Variants in CCDC142 observed in about 807,000 individuals in gnomAD.
CCDC142 encodes the protein coiled-coil domain containing 142.
Under a neutral mutation model 83.8 loss-of-function variants are expected in CCDC142, and 67 were observed. That is an observed-to-expected ratio of 0.80 (90% confidence interval 0.66 to 0.98). The LOEUF (loss-of-function observed/expected upper bound fraction) is 0.98, where lower values mean the gene tolerates loss of function less well. CCDC142 is among the 50% of genes least tolerant of loss of function. The pLI is 0.00. For missense variants in CCDC142, 905 were observed against 946.8 expected, an observed-to-expected ratio of 0.96 and a Z score of 0.58; for synonymous variants, 421 against 421.2, an observed-to-expected ratio of 1.00 and a Z score of 0.01.
intron 3 of CCDC142, 49 bp downstream of exon 3, chr2:74,481,172 AAG>A: frequency 6.2e-7 from 1 of 1,612,092 alleles, no homozygotes. Flanking sequence ...AGTGAAAGAA[AAG>A]AGATATCCTC....
Position 74,475,023 on chromosome 2 carries a change from T to C in CCDC142, c.1889A>G (p.Gln630Arg). 1 of 1,614,106 alleles carries C rather than the reference T, an allele frequency of 6.2e-7. No homozygotes were observed. The highest frequency in any genetic ancestry group is 1.1e-5 in the South Asian group (1 of 91,062). ...EQWSLSPDLR[Q>R]TLLMLSIFQQ... Reference sequence around the variant, plus strand: ...GAAGATGCTGAGCATGAGCAGGGTCTGGCGGAGATCAGGGGACAGGCTCCA... The same window carrying C: ...GAAGATGCTGAGCATGAGCAGGGTCCGGCGGAGATCAGGGGACAGGCTCCA... The change falls in exon 8 of 9, where the codon CAG (glutamine) becomes CGG (arginine). Residue 630 changes from glutamine to arginine, a missense_variant. By Grantham distance (43) the Gln-to-Arg change is conservative. Coordinates refer to ENST00000393965, the MANE Select transcript of CCDC142 (RefSeq NM_001365575.2).
At position 74,479,801 on chromosome 2, in the gene CCDC142, GGGTGGTCTCGCTATGTTGCCCCT is replaced by G. The variant is rs1226894647; in HGVS notation, c.1503+945_1503+967del. Among the ~76,000 whole-genome samples the G allele has an allele frequency of 4.6e-5, 7 of 152,034 alleles. No homozygotes were observed. The East Asian group carries it at 1.4e-3, about 29-fold the overall frequency. The stretch of plus-strand genomic sequence containing the variant: ...GAGAGATGGGAGTCTGTGTTGCCTA[GGGTGGTCTCGCTATGTTGCCCCT>G]GGTGGTCTCGAACTCCTGGCCTCAA... On this transcript the variant is annotated intron_variant, in intron 5 of 8. Coordinates refer to ENST00000393965, the MANE Select transcript of CCDC142 (RefSeq NM_001365575.2).
rs1209970024 is a variant in CCDC142 at position 74,481,298 on chromosome 2, A to G, written c.1183T>C (p.Leu395=). 3 of 1,614,112 alleles carry G rather than the reference A, an allele frequency of 1.9e-6. No homozygotes were observed. Among genetic ancestry groups the G allele is most frequent in the Non-Finnish European group, 2.5e-6 (3 of 1,180,024 alleles). ...AAGAGAGGAGGAAAGAGCTGCTGCAAAAGTTCAGCAGTGCCAGAGGATGTG... is the reference window on the plus strand; with the variant it reads ...AAGAGAGGAGGAAAGAGCTGCTGCAGAAGTTCAGCAGTGCCAGAGGATGTG... ...LPTSSGTAEL[L]QQLFPPLLDA... is the part of the protein sequence containing the mutation. The change falls in exon 3 of 9, where the codon TTG becomes CTG. Residue 395 remains leucine, a synonymous_variant. Coordinates refer to ENST00000393965, the MANE Select transcript of CCDC142 (RefSeq NM_001365575.2).
intron 5 of CCDC142, among the ~76,000 whole-genome samples, chr2:74,478,695 C>G (rs569152206): frequency 6.6e-6 from 1 of 151,368 alleles, no homozygotes; most frequent in South Asian, 2.1e-4. Flanking sequence ...GGCAACATGG[C>G]AAAACCTTGT....
At chr2:74,475,182 C>G (rs777990877) in intron 7 of CCDC142, 43 bp downstream of exon 7, 2 of 1,613,590 alleles carry the variant, frequency 1.2e-6, no homozygotes, top group Admixed American at 1.7e-5. Context: ...CTTCCTTTTC[C>G]CAGTTCCATT....
Position 74,475,044 on chromosome 2 carries a change from C to G in CCDC142, c.1868G>C (p.Ser623Thr), listed in dbSNP as rs756509614. ...VRELLEEEQW[S>T]LSPDLRQTLL... ...GGTCTGGCGGAGATCAGGGGACAGG[C>G]TCCACTGCTCCTCTTCCAGCAACTC... The change falls in exon 8 of 9, where the codon AGC becomes ACC. Residue 623 changes from serine to threonine, a missense_variant. This residue lies in a region of CCDC142 where 265 missense variants were observed against 288.9 expected (regional missense o/e 0.92). Coordinates refer to ENST00000393965, the MANE Select transcript of CCDC142 (RefSeq NM_001365575.2). The G allele has an allele frequency of 6.2e-7, 1 of 1,613,992 alleles. No individual in the cohort carries two copies. Among genetic ancestry groups the G allele is most frequent in the Non-Finnish European group, 8.5e-7 (1 of 1,179,924 alleles).
Position 74,482,060 on chromosome 2 carries a change from A to C in CCDC142, c.778T>G (p.Leu260Val). The change falls in exon 1 of 9, where the codon TTG becomes GTG. Residue 260 changes from leucine to valine, a missense_variant. By Grantham distance (32) the Leu-to-Val change is conservative. Transcript: ENST00000393965. The surrounding 1 kb of genome is among the most constrained non-coding windows in gnomAD (Gnocchi z 5.0). ...RLDEALQGSA[L>V]RDQLRRRCQE... Reference sequence around the variant, plus strand: ...CACCGCCTGCGGAGCTGGTCCCTCAACGCCGATCCTTGGAGCGCCTCGTCC... The same window carrying C: ...CACCGCCTGCGGAGCTGGTCCCTCACCGCCGATCCTTGGAGCGCCTCGTCC... 1 of 1,613,482 alleles carries C rather than the reference A, an allele frequency of 6.2e-7. No individual in the cohort carries two copies.
At chr2:74,477,429 T>C (rs1473298884) in intron 5 of CCDC142, among the ~76,000 whole-genome samples, 1 of 152,226 alleles carries the variant, frequency 6.6e-6, no homozygotes, top group Non-Finnish European at 1.5e-5. Flanking sequence ...CCCTCACTTA[T>C]GAGGTAAAGC....
At chr2:74,477,090 T>C (rs902164091) in intron 5 of CCDC142, among the ~76,000 whole-genome samples, 1 of 152,008 alleles carries the variant, frequency 6.6e-6, no homozygotes, top group Non-Finnish European at 1.5e-5. Flanking sequence ...TGGGATCTTA[T>C]AGTCCAAACA....
chr2:74,475,068 T>C lies in CCDC142; in HGVS notation c.1844A>G (p.Glu615Gly), dbSNP rs1290855414. ...GCTCCACTGCTCCTCTTCCAGCAAC[T>C]CCCTGACCACTCCAAAGTCTTGTTT... ...QLKQDFGVVRELLEEEQWSLS... is the reference protein window; with the variant it reads ...QLKQDFGVVRGLLEEEQWSLS... The change falls in exon 8 of 9, where the codon GAG (glutamate) becomes GGG (glycine). Residue 615 changes from glutamate to glycine, a missense_variant. This residue lies in a region of CCDC142 where 265 missense variants were observed against 288.9 expected (regional missense o/e 0.92). Transcript: ENST00000393965. 2.5e-6 allele frequency: 4 copies of C among 1,613,376 alleles called. No homozygotes were observed. The Admixed American group carries it at 6.7e-5, about 27-fold the overall frequency.
At position 74,480,948 on chromosome 2, in the gene CCDC142, C is replaced by T. The variant is rs753212783; in HGVS notation, c.1389+8G>A. ...GGCTGCTCCCCTCCCTACTCCCCAGCCACTCACAGGTAAGTCCTTTTGGAT... is the reference window on the plus strand; with the variant it reads ...GGCTGCTCCCCTCCCTACTCCCCAGTCACTCACAGGTAAGTCCTTTTGGAT... On this transcript the variant is annotated splice_region_variant and intron_variant, in intron 4 of 8. Coordinates refer to ENST00000393965, the MANE Select transcript of CCDC142 (RefSeq NM_001365575.2). 1 of 1,613,574 alleles carries T rather than the reference C, an allele frequency of 6.2e-7. No individual in the cohort carries two copies. Among genetic ancestry groups the T allele is most frequent in the Non-Finnish European group, 8.5e-7 (1 of 1,179,490 alleles).
rs1672396931 is a variant in CCDC142 at position 74,479,452 on chromosome 2, T to C, written c.1503+1317A>G. Among the ~76,000 whole-genome samples, 3 of 151,990 alleles carry C rather than the reference T, an allele frequency of 2.0e-5. No individual in the cohort carries two copies. The South Asian group carries it at 6.2e-4, about 31-fold the overall frequency. ...CTTTATTCATAAACATATAAGAAAATGTTAGGAGAAACAGGCAAACATGGA... is the reference window on the plus strand; with the variant it reads ...CTTTATTCATAAACATATAAGAAAACGTTAGGAGAAACAGGCAAACATGGA... On this transcript the variant is annotated intron_variant, in intron 5 of 8. Transcript: ENST00000393965.
At position 74,472,922 on chromosome 2, in the gene CCDC142, CA is replaced by C; in HGVS notation, c.*1623del. 1 of 544,270 alleles carries C rather than the reference CA, an allele frequency of 1.8e-6. No individual in the cohort carries two copies. 33.7% of individuals were successfully genotyped at this position (544,270 alleles called of 1,614,324 possible). On this transcript the variant is annotated 3_prime_UTR_variant, in exon 9 of 9. Coordinates refer to ENST00000393965, the MANE Select transcript of CCDC142 (RefSeq NM_001365575.2). ...AGTCCTCTCATACGACGGTGAAAAC[CA>C]TAAATAAATGGCGCAAAAACCTCTT...
chr2:74,481,228 G>A lies in CCDC142; in HGVS notation c.1253C>T (p.Pro418Leu). ...EPRLRRIFCQ[P>L]ADPAPVALGL... ...GCCCCAGCCCCTCGTCTCACCTGCA[G>A]GCTGGCAGAAAATCCGTCGTAACCT... The change falls in exon 3 of 9, where the codon CCT becomes CTT. Residue 418 changes from proline to leucine, a missense_variant. Physicochemically the swap from Pro to Leu is moderately conservative, Grantham distance 98 (BLOSUM62 -3). Transcript: ENST00000393965. 6.2e-7 allele frequency: 1 copy of A among 1,614,020 alleles called. No individual in the cohort carries two copies. The highest frequency in any genetic ancestry group is 8.5e-7 in the Non-Finnish European group (1 of 1,179,974).
rs562865810 is a variant in CCDC142, at chr2:74,482,008, C to T, written c.830G>A (p.Gly277Glu). Residue 277 changes from glycine (G) to glutamate (E), a missense_variant, in exon 1 of 9, where the codon GGG becomes GAG. By Grantham distance (98) the Gly-to-Glu change is moderately conservative. Coordinates refer to ENST00000393965, the MANE Select transcript of CCDC142 (RefSeq NM_001365575.2). This position sits in a 1 kb window ranked among gnomAD's most constrained non-coding sequence, Gnocchi z 5.0. ...RCQEEGDLLPGLLGLVGGVAG... is the reference protein window; with the variant it reads ...RCQEEGDLLPELLGLVGGVAG... ...CACGCCCCCGACCAGGCCCAGCAGC[C>T]CTGGTAGCAGATCCCCCTCCTCTTG... The T allele has an allele frequency of 1.2e-6, 2 of 1,613,898 alleles. No homozygotes were observed. The highest frequency in any genetic ancestry group is 1.7e-5 in the Admixed American group (1 of 60,016).
Position 74,482,327 on chromosome 2 carries a change from T to C in CCDC142, c.511A>G (p.Ile171Val), listed in dbSNP as rs1383798654. ...TCCAGGCACTGGGCGGCTAGTCCGA[T>C]GGGGCGCGCTAGCAGCAGCGGCTCG... ...TLEPLLLARPIGLAAQCLEAV... is the reference protein window; with the variant it reads ...TLEPLLLARPVGLAAQCLEAV... Residue 171 changes from isoleucine (I) to valine (V), a missense_variant, in exon 1 of 9, where the codon ATC becomes GTC. Physicochemically the swap from Ile to Val is conservative, Grantham distance 29 (BLOSUM62 3). This residue lies in a region of CCDC142 where 591 missense variants were observed against 571.4 expected (regional missense o/e 1.03). Transcript: ENST00000393965. The surrounding 1 kb of genome is among the most constrained non-coding windows in gnomAD (Gnocchi z 5.0). 5.6e-6 allele frequency: 9 copies of C among 1,607,468 alleles called. No homozygotes were observed. The highest frequency in any genetic ancestry group is 7.6e-6 in the Non-Finnish European group (9 of 1,178,026).
chr2:74,481,210 C>G lies in CCDC142; in HGVS notation c.1258+13G>C, dbSNP rs762567045. ...AACTGCTCTGTGTCCCCAGCCCCAG[C>G]CCCTCGTCTCACCTGCAGGCTGGCA... On this transcript the variant is annotated intron_variant, in intron 3 of 8. Transcript: ENST00000393965. 6.2e-7 allele frequency: 1 copy of G among 1,613,786 alleles called. No individual in the cohort carries two copies.
At chr2:74,477,853 G>A (rs188550532) in intron 5 of CCDC142, among the ~76,000 whole-genome samples, 1 of 152,204 alleles carries the variant, frequency 6.6e-6, no homozygotes, top group East Asian at 1.9e-4. Flanking sequence ...GAGCCAGGCT[G>A]GGTGTGGAGG....
Position 74,475,226 on chromosome 2 carries a change from T to C in CCDC142, c.1795A>G (p.Ser599Gly). 6.2e-7 allele frequency: 1 copy of C among 1,614,214 alleles called. No individual in the cohort carries two copies. Among genetic ancestry groups the C allele is most frequent in the Non-Finnish European group, 8.5e-7 (1 of 1,180,026 alleles). The change falls in exon 7 of 9, where the codon AGC (serine) becomes GGC (glycine). Residue 599 changes from serine to glycine, a missense_variant and splice_region_variant. By Grantham distance (56) the Ser-to-Gly change is moderately conservative (BLOSUM62 0). This residue lies in a region of CCDC142 where 265 missense variants were observed against 288.9 expected (regional missense o/e 0.92). Transcript: ENST00000393965. ...DHILTHGIRF[S>G]LQGALQLKQD... The stretch of plus-strand genomic sequence containing the variant: ...GCCACTTCCACCTTTACTCCTGACC[T>C]GAACCGAATCCCATGGGTAAGAATG...
Sources: gnomAD v4.1 joint callset for allele counts (sites outside exome capture counted in the v4.1 genomes callset) on GRCh38, gnomAD v4.1.1 for gene constraint, gnomAD v4.1.1 regional missense constraint, Gnocchi (gnomAD v3.1) non-coding constraint, MANE v1.5 for transcripts, NCBI Gene and HGNC (gene_info 2026-07-23, HGNC 2026-07-21) for gene names.